The following STPG2 variants were observed in gnomAD, a reference collection of about 807,000 sequenced individuals.
STPG2 encodes the protein sperm-tail PG-rich repeat-containing protein 2.
A neutral mutation model predicts 54.2 loss-of-function variants in STPG2; 56 were observed. The observed-to-expected ratio is 1.03, with a 90% CI of 0.83 to 1.29. STPG2 has a LOEUF of 1.29. Among genes scored for constraint, STPG2 ranks in the 50% most tolerant of loss-of-function variants. STPG2 has a pLI of 0.00. For missense variants in STPG2, 596 were observed against 544.9 expected (o/e 1.09, Z -0.93); for synonymous variants, 200 against 181.8 (o/e 1.10, Z -0.81).
At chr4:97,507,320 T>TC (rs1476500227) in intron 4 of STPG2, among the ~76,000 whole-genome samples, 1 of 151,524 alleles carries the variant, frequency 6.6e-6, no homozygotes, top group Non-Finnish European at 1.5e-5. Flanking sequence ...AAAGAATCAC[T>TC]CCCCCCAGGA....
chr4:97,822,914 A>G (rs1251810813), intron 9 of STPG2, among the ~76,000 whole-genome samples: 1 of 152,198 alleles, frequency 6.6e-6, no homozygotes, highest in Non-Finnish European at 1.5e-5. Flanking sequence ...ACCAGCCACA[A>G]CATTTCCTTA....
intron 5 of STPG2, among the ~76,000 whole-genome samples, chr4:98,085,724 T>A (rs1486827923): frequency 1.3e-5 from 2 of 152,096 alleles, no homozygotes; most frequent in Non-Finnish European, 2.9e-5. Flanking sequence ...TATGTTAATC[T>A]CATATTGTGT....
chr4:97,614,981 C>T (rs1244504931), intron 10 of STPG2, among the ~76,000 whole-genome samples: 1 of 152,128 alleles, frequency 6.6e-6, no homozygotes, highest in East Asian at 1.9e-4. Flanking sequence ...GAATACTCTG[C>T]CACTACAGTT....
At chr4:97,920,322 C>T (rs893392543) in intron 8 of STPG2, among the ~76,000 whole-genome samples, 1 of 152,170 alleles carries the variant, frequency 6.6e-6, no homozygotes, top group South Asian at 2.1e-4. Context: ...CAACTTTGAG[C>T]TGTACTTGTT....
In STPG2 at chr4:97,478,294, A is replaced by G. The variant is rs568751419; in HGVS notation, c.462+234405T>C. On this transcript the variant is annotated intron_variant, in intron 4 of 4. Coordinates refer to the STPG2 transcript ENST00000522676. ...TTTATTAAGCTAAAATTATAAATAT[A>G]AAACGAACTAATAGAAAGTCATATT... is the stretch of plus-strand genomic sequence containing the variant. 2.0e-5 allele frequency among the ~76,000 whole-genome samples: 3 copies of G among 152,240 alleles called. No individual in the cohort carries two copies. In the South Asian group the frequency reaches 6.2e-4, roughly 31 times the overall value.
At chr4:97,691,511 A>G (rs1354977086) in intron 10 of STPG2, among the ~76,000 whole-genome samples, 1 of 152,084 alleles carries the variant, frequency 6.6e-6, no homozygotes, top group Admixed American at 6.6e-5. Flanking sequence ...TTCTCACAGC[A>G]GACCCAGCAA....
intron 8 of STPG2, among the ~76,000 whole-genome samples, chr4:97,855,435 T>G (rs978411787): frequency 6.6e-6 from 1 of 152,178 alleles, no homozygotes; most frequent in Non-Finnish European, 1.5e-5. Context: ...AGGTTCAGCT[T>G]TTTTTCTTGT....
intron 10 of STPG2, among the ~76,000 whole-genome samples, chr4:97,618,164 A>G (rs1038937489): frequency 6.6e-6 from 1 of 152,066 alleles, no homozygotes; most frequent in South Asian, 2.1e-4. Flanking sequence ...TGCAGACAAG[A>G]TATTTTGGGA....
At chr4:97,511,736 T>A (rs1470240843) in intron 4 of STPG2, among the ~76,000 whole-genome samples, 3 of 151,816 alleles carry the variant, frequency 2.0e-5, no homozygotes, top group Non-Finnish European at 4.4e-5. Context: ...CATACATAGA[T>A]AATAACAAAC....
chr4:97,937,725 G>A (rs546723821), intron 8 of STPG2, among the ~76,000 whole-genome samples: 1 of 152,244 alleles, frequency 6.6e-6, no homozygotes, highest in East Asian at 1.9e-4. Context: ...CACCTGAGGA[G>A]GCTGAAGAAC....
chr4:97,612,683 A>T (rs1217726009), intron 10 of STPG2, among the ~76,000 whole-genome samples: 1 of 152,094 alleles, frequency 6.6e-6, no homozygotes, highest in Non-Finnish European at 1.5e-5. Flanking sequence ...GTGCCCAGAA[A>T]AAGGATCAGA....
intron 10 of STPG2, among the ~76,000 whole-genome samples, chr4:97,573,372 C>T (rs1425526492): frequency 6.6e-6 from 1 of 152,048 alleles, no homozygotes; most frequent in South Asian, 2.1e-4. Context: ...AAGTAACAGA[C>T]CAATTCTGGC....
chr4:97,887,254 A>T (rs925356737), intron 8 of STPG2, among the ~76,000 whole-genome samples: 43 of 152,346 alleles, frequency 2.8e-4, no homozygotes, highest in African/African-American at 9.9e-4. Context: ...AGGGCTCACA[A>T]GGAGACAGGA....
At chr4:97,623,265 G>A (rs1405786602) in intron 10 of STPG2, among the ~76,000 whole-genome samples, 1 of 151,782 alleles carries the variant, frequency 6.6e-6, no homozygotes, top group Non-Finnish European at 1.5e-5. Context: ...CAGATAAATG[G>A]GACCTAATTA....
chr4:97,749,062 C>T lies in STPG2; in HGVS notation c.1205-36248G>A, dbSNP rs1366464401. The stretch of plus-strand genomic sequence containing the variant: ...CTTATATAAAGCAGATGTTCCCAAT[C>T]AGTTGCTAGAGGATTCATGACAAGG... On this transcript the variant is annotated intron_variant, in intron 9 of 10. Transcript: ENST00000295268. Among the ~76,000 whole-genome samples the T allele has an allele frequency of 2.0e-5, 3 of 151,574 alleles. No individual in the cohort carries two copies. The East Asian group carries it at 5.8e-4, about 29-fold the overall frequency.
intron 9 of STPG2, among the ~76,000 whole-genome samples, chr4:97,715,683 T>A (rs1479312767): frequency 6.6e-6 from 1 of 152,120 alleles, no homozygotes. Flanking sequence ...TTTTTTCATA[T>A]GAAGGTGACA....
chr4:97,994,242 C>T (rs1177412158), intron 5 of STPG2, among the ~76,000 whole-genome samples: 1 of 152,100 alleles, frequency 6.6e-6, no homozygotes, highest in Non-Finnish European at 1.5e-5. Flanking sequence ...CATTCAGGAG[C>T]AGGTTATTTA....
intron 5 of STPG2, among the ~76,000 whole-genome samples, chr4:98,074,174 T>C (rs866366102): frequency 4.6e-5 from 7 of 152,216 alleles, no homozygotes; most frequent in Non-Finnish European, 1.0e-4. Flanking sequence ...TAAAGAAACA[T>C]CCTTACTTCA....
intron 4 of STPG2, among the ~76,000 whole-genome samples, chr4:97,537,192 T>C (rs533958301): frequency 6.6e-6 from 1 of 152,144 alleles, no homozygotes; most frequent in Admixed American, 6.5e-5. Context: ...TGTCGGACAG[T>C]GGGTGCAGGA....
Sources: gnomAD v4.1 joint callset for allele counts (sites outside exome capture counted in the v4.1 genomes callset) on GRCh38, gnomAD v4.1.1 for gene constraint, MANE v1.5 for transcripts, NCBI Gene and HGNC (gene_info 2026-07-23, HGNC 2026-07-21) for gene names.